The following FILIP1L variants were observed in gnomAD, a reference collection of about 807,000 sequenced individuals.
FILIP1L encodes filamin A interacting protein 1 like.
FILIP1L carries 55 observed loss-of-function variants against 96.6 expected under a neutral mutation model. That is an observed-to-expected ratio of 0.57 (90% CI 0.46 to 0.71). The LOEUF is 0.71. Ranked by LOEUF, FILIP1L falls within the 30% of genes least tolerant of loss-of-function variation. The pLI is 0.00. For synonymous variants in FILIP1L, 467 were observed against 473.9 expected (o/e 0.99, Z 0.19); for missense variants, 1,304 against 1,321.2 (o/e 0.99, Z 0.20).
intron 1 of FILIP1L, among the ~76,000 whole-genome samples, chr3:100,052,376 C>CTT (rs2065389053): frequency 2.0e-5 from 3 of 152,332 alleles, no homozygotes; most frequent in East Asian, 3.9e-4. Context: ...CCAGGGGGAA[C>CTT]TTTTGTTCCA....
chr3:99,929,513 AGTGT>A (rs10629410), intron 3 of FILIP1L, among the ~76,000 whole-genome samples: 2,100 of 148,268 alleles, frequency 0.014, 16 homozygotes, highest in African/African-American at 0.023. Context: ...AAGTTCCCAG[AGTGT>A]GTGTGTGTGT....
rs146835215 is a variant in FILIP1L, at chr3:100,035,508, C to G, written c.-11+78545G>C. ...GGCTGGTCTCGAACTCCTGATCCACCCGCCTCAGCCTCCCAAAGTGCTGCA... is the reference window on the plus strand; with the variant it reads ...GGCTGGTCTCGAACTCCTGATCCACGCGCCTCAGCCTCCCAAAGTGCTGCA... On this transcript the variant is annotated intron_variant, in intron 1 of 5. Transcript: ENST00000477258. Among the ~76,000 whole-genome samples, 1,072 of 152,206 alleles carry G rather than the reference C, an allele frequency of 7.0e-3. 7 individuals carry two copies. The highest frequency in any genetic ancestry group is 0.011 in the Non-Finnish European group (755 of 67,996).
At chr3:99,926,060 G>T (rs1707283627) in intron 3 of FILIP1L, among the ~76,000 whole-genome samples, 1 of 152,232 alleles carries the variant, frequency 6.6e-6, no homozygotes, top group Non-Finnish European at 1.5e-5. Context: ...GATTTTTACA[G>T]TTTGCCTTTG....
At chr3:100,014,899 T>A (rs201240452) in intron 1 of FILIP1L, among the ~76,000 whole-genome samples, 1 of 95,832 alleles carries the variant, frequency 1.0e-5, no homozygotes, top group Non-Finnish European at 2.5e-5. Flanking sequence ...TTCTTTCTTT[T>A]TTTTTTTTTT....
chr3:99,882,562 C>G (rs1705763889), intron 4 of FILIP1L, among the ~76,000 whole-genome samples: 1 of 152,170 alleles, frequency 6.6e-6, no homozygotes, highest in African/African-American at 2.4e-5. Flanking sequence ...AACATCTGAT[C>G]TTCTTATTGC....
At chr3:100,014,043 G>T (rs1019070817) in intron 1 of FILIP1L, among the ~76,000 whole-genome samples, 1 of 151,920 alleles carries the variant, frequency 6.6e-6, no homozygotes, top group Non-Finnish European at 1.5e-5. Flanking sequence ...GATTTTTTAA[G>T]ATTCCGCATG....
intron 1 of FILIP1L, among the ~76,000 whole-genome samples, chr3:100,089,065 G>C (rs1383955216): frequency 6.6e-6 from 1 of 152,132 alleles, no homozygotes; most frequent in Non-Finnish European, 1.5e-5. Context: ...ACCAGTATTA[G>C]AAGGCATCAG....
At chr3:99,950,496 A>G (rs1708143697) in intron 1 of FILIP1L, among the ~76,000 whole-genome samples, 1 of 152,092 alleles carries the variant, frequency 6.6e-6, no homozygotes, top group Non-Finnish European at 1.5e-5. Flanking sequence ...TCTTTATATT[A>G]TCTTCCGTTT....
intron 1 of FILIP1L, among the ~76,000 whole-genome samples, chr3:99,962,058 C>G (rs1355534171): frequency 6.6e-6 from 1 of 152,162 alleles, no homozygotes; most frequent in Non-Finnish European, 1.5e-5. Flanking sequence ...ACACACCACA[C>G]AAGCAAAGTC....
At chr3:99,930,181 T>C (rs1370064134) in intron 2 of FILIP1L, 152 bp from the exon 3 acceptor site, 2 of 663,376 alleles carry the variant, frequency 3.0e-6, no homozygotes, top group Non-Finnish European at 5.0e-6. Context: ...GTAACAAAAC[T>C]ATATCCCTTC....
intron 4 of FILIP1L, among the ~76,000 whole-genome samples, chr3:99,897,829 C>T (rs1706308105): frequency 6.6e-6 from 1 of 152,150 alleles, no homozygotes; most frequent in Non-Finnish European, 1.5e-5. Context: ...CAGAGAATCT[C>T]CTATAGTGTG....
chr3:99,839,266 C>T (rs1233883199), intron 5 of FILIP1L, among the ~76,000 whole-genome samples: 2 of 152,118 alleles, frequency 1.3e-5, no homozygotes, highest in African/African-American at 2.4e-5. Context: ...TTTAAGCTAC[C>T]CCTTAACTCC....
At chr3:100,096,708 A>G (rs929259958) in intron 1 of FILIP1L, among the ~76,000 whole-genome samples, 1 of 152,142 alleles carries the variant, frequency 6.6e-6, no homozygotes, top group East Asian at 1.9e-4. Flanking sequence ...TGATAGCACA[A>G]CAGAGTGACT....
At chr3:99,929,513 A>AGTGTGTGTGT (rs10629410) in intron 3 of FILIP1L, among the ~76,000 whole-genome samples, 37 of 148,284 alleles carry the variant, frequency 2.5e-4, no homozygotes, top group Admixed American at 7.4e-4. Flanking sequence ...AAGTTCCCAG[A>AGTGTGTGTGT]GTGTGTGTGT....
intron 1 of FILIP1L, among the ~76,000 whole-genome samples, chr3:100,021,296 G>A (rs556875963): frequency 1.3e-5 from 2 of 152,284 alleles, no homozygotes; most frequent in South Asian, 2.1e-4. Context: ...CTTCTTTGGA[G>A]TTGTTAAAAA....
chr3:99,880,800 T>C (rs1705700048), intron 4 of FILIP1L, among the ~76,000 whole-genome samples: 2 of 152,198 alleles, frequency 1.3e-5, no homozygotes, highest in Admixed American at 1.3e-4. Flanking sequence ...TATTAACAAT[T>C]CAATGTACTG....
intron 1 of FILIP1L, among the ~76,000 whole-genome samples, chr3:100,012,596 G>C (rs1291558657): frequency 6.6e-6 from 1 of 151,994 alleles, no homozygotes; most frequent in Non-Finnish European, 1.5e-5. Flanking sequence ...GAGGATTTCA[G>C]ATTCCCCCAC....
intron 4 of FILIP1L, among the ~76,000 whole-genome samples, chr3:99,919,446 A>G (rs965584032): frequency 6.7e-6 from 1 of 149,348 alleles, no homozygotes; most frequent in South Asian, 2.2e-4. Flanking sequence ...TGCAGTAGAC[A>G]TATATATTTA....
chr3:99,978,817 G>A lies in FILIP1L; in HGVS notation c.-10-47787C>T, dbSNP rs138339999. Reference sequence around the variant, plus strand: ...CGAGAGTCACTTGAACCCAGGAGGCGGAGGCTGCAGTGAGCTGAGATTACA... The same window carrying A: ...CGAGAGTCACTTGAACCCAGGAGGCAGAGGCTGCAGTGAGCTGAGATTACA... On this transcript the variant is annotated intron_variant, in intron 1 of 5. Transcript: ENST00000477258. Among the ~76,000 whole-genome samples the A allele has an allele frequency of 6.6e-5, 10 of 152,104 alleles. No homozygotes were observed. The East Asian group carries it at 1.9e-3, about 29-fold the overall frequency.
Sources: allele counts gnomAD v4.1 joint callset (sites outside exome capture counted in the v4.1 genomes callset), GRCh38; gene constraint gnomAD v4.1.1; transcripts MANE v1.5; gene names NCBI Gene and HGNC (gene_info 2026-07-23, HGNC 2026-07-21).